The following TICAM2 variants were observed in gnomAD, a reference collection of about 807,000 sequenced individuals.
The protein encoded by TICAM2 is TIR domain containing adaptor molecule 2.
Under a neutral mutation model 7.3 loss-of-function variants are expected in TICAM2, and 8 were observed. The ratio of observed to expected loss-of-function variants is 1.10; its 90% CI spans 0.65 to 1.99. The LOEUF (loss-of-function observed/expected upper bound fraction) is 1.99. Ranked by LOEUF, TICAM2 falls within the 30% of genes most tolerant of loss-of-function variation. The pLI is 0.00. For synonymous variants in TICAM2, 113 were observed against 99.6 expected, an observed-to-expected ratio of 1.13 and a Z score of -0.80; for missense variants, 304 against 278.8, an observed-to-expected ratio of 1.09 and a Z score of -0.65.
intron 1 of TICAM2, among the ~76,000 whole-genome samples, chr5:115,589,950 C>T (rs1391285109): frequency 6.6e-6 from 1 of 152,128 alleles, no homozygotes; most frequent in Admixed American, 6.5e-5. Context: ...TTGATCATCC[C>T]TATTATATAA....
intron 1 of TICAM2, among the ~76,000 whole-genome samples, chr5:115,584,151 T>G (rs1309994643): frequency 6.6e-6 from 1 of 152,202 alleles, no homozygotes; most frequent in Non-Finnish European, 1.5e-5. Context: ...GAATATATAT[T>G]CTTATTTTTC....
In TICAM2 at chr5:115,602,173, TG is replaced by T. The variant is rs1271850833; in HGVS notation, c.-137del. ...TGGCCCAGCGAGAGCGCCCAGGGGG[TG>T]GGCGTCTTGCCCCGGGCGTCGAGAG... is the stretch of plus-strand genomic sequence containing the variant. On this transcript the variant is annotated 5_prime_UTR_variant, in exon 1 of 2. Coordinates refer to ENST00000427199, the MANE Select transcript of TICAM2 (RefSeq NM_021649.7). 2.6e-5 allele frequency: 4 copies of T among 152,150 alleles called. No individual in the cohort carries two copies. The highest frequency in any genetic ancestry group is 9.7e-5 in the African/African-American group (4 of 41,366). 9.4% of individuals were successfully genotyped at this position (152,150 alleles called of 1,614,324 possible). A position where few individuals can be genotyped will look rare whatever the true frequency, so the allele number is the denominator to read the frequency against.
intron 1 of TICAM2, among the ~76,000 whole-genome samples, chr5:115,584,946 T>C (rs1196215241): frequency 6.6e-6 from 1 of 152,168 alleles, no homozygotes; most frequent in Non-Finnish European, 1.5e-5. Flanking sequence ...ATGGTGAATA[T>C]GTAAAATATT....
intron 1 of TICAM2, among the ~76,000 whole-genome samples, chr5:115,592,996 A>G (rs1339983440): frequency 6.6e-6 from 1 of 152,162 alleles, no homozygotes; most frequent in Non-Finnish European, 1.5e-5. Context: ...TACAAAAATT[A>G]GCTAGGTGTG....
intron 1 of TICAM2, among the ~76,000 whole-genome samples, chr5:115,591,820 A>C (rs1755314430): frequency 6.6e-6 from 1 of 152,208 alleles, no homozygotes; most frequent in African/African-American, 2.4e-5. Context: ...ACAAATGTGT[A>C]AATTGGAGTC....
At chr5:115,590,113 C>T (rs1382749366) in intron 1 of TICAM2, among the ~76,000 whole-genome samples, 1 of 151,970 alleles carries the variant, frequency 6.6e-6, no homozygotes, top group Non-Finnish European at 1.5e-5. Flanking sequence ...TTTGAGAAGC[C>T]GAGGTGGGAG....
chr5:115,582,982 T>C (rs1754983194), intron 1 of TICAM2, among the ~76,000 whole-genome samples: 1 of 152,228 alleles, frequency 6.6e-6, no homozygotes, highest in Admixed American at 6.5e-5. Context: ...ACTCTGTCTG[T>C]ACTTTAGGTT....
intron 1 of TICAM2, among the ~76,000 whole-genome samples, chr5:115,599,616 A>C (rs1200776332): frequency 6.6e-6 from 1 of 152,210 alleles, no homozygotes; most frequent in African/African-American, 2.4e-5. Flanking sequence ...CCCAGCAGCA[A>C]AAGAGATCTT....
Position 115,580,964 on chromosome 5 carries a change from T to C in TICAM2, c.293A>G (p.Asn98Ser). 6.2e-7 allele frequency: 1 copy of C among 1,612,720 alleles called. No individual in the cohort carries two copies. Among genetic ancestry groups the C allele is most frequent in the Non-Finnish European group, 8.5e-7 (1 of 1,178,832 alleles). ...GATACCAAAGTCATCTTGTAGCAGA[T>C]TCTGGACTCTGAGGGCTTCATCTGT... ...DDTDEALRVQ[N>S]LLQDDFGIKP... The change falls in exon 2 of 2, where the codon AAT (asparagine) becomes AGT (serine). Residue 98 changes from asparagine to serine, a missense_variant. Coordinates refer to ENST00000427199, the MANE Select transcript of TICAM2 (RefSeq NM_021649.7).
chr5:115,592,972 C>A (rs953542956), intron 1 of TICAM2, among the ~76,000 whole-genome samples: 1 of 152,146 alleles, frequency 6.6e-6, no homozygotes, highest in African/African-American at 2.4e-5. Context: ...GGCAAAACCC[C>A]ACCTCTACTA....
intron 1 of TICAM2, among the ~76,000 whole-genome samples, chr5:115,586,833 A>G (rs192775647): frequency 6.6e-6 from 1 of 152,308 alleles, no homozygotes; most frequent in East Asian, 1.9e-4. Context: ...AAAACATGCT[A>G]GGTTTTAGAG....
intron 1 of TICAM2, among the ~76,000 whole-genome samples, chr5:115,591,524 G>A (rs780380264): frequency 1.3e-5 from 2 of 152,138 alleles, no homozygotes; most frequent in Non-Finnish European, 2.9e-5. Flanking sequence ...AACTGTGATT[G>A]CACAAGAGGA....
Position 115,580,925 on chromosome 5 carries a change from A to T in TICAM2, c.332T>A (p.Ile111Asn), listed in dbSNP as rs1246741362. Residue 111 changes from isoleucine to asparagine, a missense_variant, in exon 2 of 2, where the codon ATC becomes AAC. By Grantham distance (149) the Ile-to-Asn change is moderately radical. Coordinates refer to ENST00000427199, the MANE Select transcript of TICAM2 (RefSeq NM_021649.7). Reference sequence around the variant, plus strand: ...TCTGCCACATGGCATCTCAGCAAAGATTATTCCGGGTTTGATACCAAAGTC... The same window carrying T: ...TCTGCCACATGGCATCTCAGCAAAGTTTATTCCGGGTTTGATACCAAAGTC... ...QDDFGIKPGI[I>N]FAEMPCGRQH... 6.2e-7 allele frequency: 1 copy of T among 1,613,686 alleles called. No homozygotes were observed.
intron 1 of TICAM2, among the ~76,000 whole-genome samples, chr5:115,594,599 G>A (rs560842407): frequency 2.2e-4 from 33 of 152,268 alleles, no homozygotes; most frequent in African/African-American, 7.7e-4. Flanking sequence ...TGTTTATACT[G>A]TTTGCCAAAA....
intron 1 of TICAM2, among the ~76,000 whole-genome samples, chr5:115,589,193 T>C (rs962042892): frequency 1.3e-5 from 2 of 152,188 alleles, no homozygotes; most frequent in Non-Finnish European, 2.9e-5. Context: ...ACAGAAACCA[T>C]ATGGCCCATA....
chr5:115,580,566 T>C lies in TICAM2; in HGVS notation c.691A>G (p.Arg231Gly). 2 of 1,597,528 alleles carry C rather than the reference T, an allele frequency of 1.3e-6. No individual in the cohort carries two copies. Among genetic ancestry groups the C allele is most frequent in the South Asian group, 2.3e-5 (2 of 87,928 alleles). Residue 231 changes from arginine (R) to glycine (G), a missense_variant, in exon 2 of 2, where the codon AGA becomes GGA. By Grantham distance (125) the Arg-to-Gly change is moderately radical. Coordinates refer to ENST00000427199, the MANE Select transcript of TICAM2 (RefSeq NM_021649.7). ...GTTTCATCTCAGGCAATAAATTGTC[T>C]TTGTACCATATTTCTTGTCTCTTTC... Reference protein sequence around the residue: ...IWKETRNMVQRQFIA With the variant: ...IWKETRNMVQGQFIA
At chr5:115,587,533 C>T (rs1256417376) in intron 1 of TICAM2, among the ~76,000 whole-genome samples, 2 of 152,096 alleles carry the variant, frequency 1.3e-5, no homozygotes, top group Admixed American at 6.6e-5. Context: ...ACAATAGTGT[C>T]GGTGAGAAAG....
intron 1 of TICAM2, among the ~76,000 whole-genome samples, chr5:115,594,705 G>A (rs987619090): frequency 8.5e-5 from 13 of 152,148 alleles, no homozygotes; most frequent in African/African-American, 3.1e-4. Flanking sequence ...AGATGTTTTG[G>A]CTAAAAGTAC....
Position 115,591,593 on chromosome 5 carries a change from A to C in TICAM2, c.-59-10278T>G, listed in dbSNP as rs888115373. Reference sequence around the variant, plus strand: ...ACTTTAAAAAAAGGCATGGCAGGTAAGAAAAAAATCTAAAATTGAAAAATA... The same window carrying C: ...ACTTTAAAAAAAGGCATGGCAGGTACGAAAAAAATCTAAAATTGAAAAATA... On this transcript the variant is annotated intron_variant, in intron 1 of 1. Transcript: ENST00000427199. Among the ~76,000 whole-genome samples, 8 of 152,218 alleles carry C rather than the reference A, an allele frequency of 5.3e-5. No individual in the cohort carries two copies. The East Asian group carries it at 1.5e-3, about 29-fold the overall frequency.
Sources: allele counts gnomAD v4.1 joint callset (sites outside exome capture counted in the v4.1 genomes callset), GRCh38; gene constraint gnomAD v4.1.1; transcripts MANE v1.5; gene names NCBI Gene and HGNC (gene_info 2026-07-23, HGNC 2026-07-21).